SLC25A21: variants seen among roughly 807,000 people sequenced by gnomAD.
SLC25A21 encodes the protein mitochondrial 2-oxodicarboxylate carrier.
A neutral mutation model predicts 43.8 loss-of-function variants in SLC25A21; 47 were observed. That is an observed-to-expected ratio of 1.07 (90% CI 0.85 to 1.37). The LOEUF (loss-of-function observed/expected upper bound fraction) is 1.37. Ranked by LOEUF, SLC25A21 falls within the 40% of genes most tolerant of loss-of-function variation. The pLI, the probability that SLC25A21 is intolerant of heterozygous loss-of-function variation, is 0.00. For synonymous variants in SLC25A21, 131 were observed against 121.3 expected (o/e 1.08, Z -0.52); for missense variants, 352 against 350.2 (o/e 1.00, Z -0.04).
At chr14:37,143,485 A>G (rs1963604750) in intron 1 of SLC25A21, among the ~76,000 whole-genome samples, 1 of 152,234 alleles carries the variant, frequency 6.6e-6, no homozygotes, top group Admixed American at 6.5e-5. Flanking sequence ...ACTTTTGAAA[A>G]GCAGATTGTA....
intron 1 of SLC25A21, among the ~76,000 whole-genome samples, chr14:36,914,582 T>C (rs1891779179): frequency 6.6e-6 from 1 of 152,168 alleles, no homozygotes; most frequent in African/African-American, 2.4e-5. Flanking sequence ...TATTTTTTCT[T>C]TGCACTGGAA....
Position 36,910,191 on chromosome 14 carries a change from A to C in SLC25A21, c.71-35187T>G, listed in dbSNP as rs112546043. Among the ~76,000 whole-genome samples the C allele has an allele frequency of 9.0e-3, 1,367 of 152,294 alleles. 20 individuals are homozygous for C. The highest frequency in any genetic ancestry group is 0.031 in the African/African-American group (1,297 of 41,562). On this transcript the variant is annotated intron_variant, in intron 1 of 9. Coordinates refer to ENST00000331299, the MANE Select transcript of SLC25A21 (RefSeq NM_030631.4). ...AGTCTAAGTACAGAGATCATCATGG[A>C]TCACTCTTATTTCAGGAATTCAACA...
chr14:37,145,993 T>C (rs956349939), intron 1 of SLC25A21, among the ~76,000 whole-genome samples: 4 of 152,112 alleles, frequency 2.6e-5, no homozygotes, highest in Non-Finnish European at 5.9e-5. Context: ...TGTCTCAATT[T>C]GATGGCAGGC....
intron 1 of SLC25A21, among the ~76,000 whole-genome samples, chr14:37,089,086 C>T (rs1157423181): frequency 6.6e-6 from 1 of 152,050 alleles, no homozygotes; most frequent in Admixed American, 6.6e-5. Flanking sequence ...TTTAAAGATC[C>T]TGATTCAAAA....
chr14:37,085,869 G>A (rs1204943506), intron 1 of SLC25A21, among the ~76,000 whole-genome samples: 1 of 152,166 alleles, frequency 6.6e-6, no homozygotes, highest in East Asian at 1.9e-4. Context: ...ACTTTGGCAG[G>A]CCGAGGCAGG....
intron 1 of SLC25A21, among the ~76,000 whole-genome samples, chr14:36,895,366 T>G (rs1334933385): frequency 6.6e-6 from 1 of 152,242 alleles, no homozygotes; most frequent in Non-Finnish European, 1.5e-5. Context: ...AGTTTGTATT[T>G]CTGTGGGATC....
intron 5 of SLC25A21, among the ~76,000 whole-genome samples, chr14:36,728,944 T>A (rs1279970432): frequency 6.6e-6 from 1 of 152,192 alleles, no homozygotes; most frequent in African/African-American, 2.4e-5. Context: ...AGGAGGGGAA[T>A]GGCATAGGGA....
chr14:36,779,510 TAAG>T (rs910186183), intron 3 of SLC25A21, among the ~76,000 whole-genome samples: 20 of 144,226 alleles, frequency 1.4e-4, no homozygotes, highest in South Asian at 8.6e-4. Flanking sequence ...CCTATATATA[TAAG>T]AATAAACATA....
intron 1 of SLC25A21, among the ~76,000 whole-genome samples, chr14:37,039,891 T>C (rs1305932026): frequency 6.6e-6 from 1 of 152,006 alleles, no homozygotes; most frequent in African/African-American, 2.4e-5. Context: ...TTTTGGTGGA[T>C]GAGTTGAAAG....
At chr14:36,801,720 C>T (rs1270026164) in intron 3 of SLC25A21, among the ~76,000 whole-genome samples, 1 of 152,158 alleles carries the variant, frequency 6.6e-6, no homozygotes, top group Non-Finnish European at 1.5e-5. Flanking sequence ...CAAACTGCCT[C>T]TTATTTCACT....
At chr14:36,917,133 T>C (rs976103995) in intron 1 of SLC25A21, among the ~76,000 whole-genome samples, 2 of 152,170 alleles carry the variant, frequency 1.3e-5, no homozygotes, top group African/African-American at 4.8e-5. Flanking sequence ...TTCCAGTTTC[T>C]TTTTATTTTT....
chr14:36,875,032 A>C, intron 1 of SLC25A21, 28 bp from the exon 2 acceptor site: 1 of 1,561,368 alleles, frequency 6.4e-7, no homozygotes, highest in Non-Finnish European at 8.8e-7. Context: ...AAATCCAATA[A>C]ACACTTATGT....
chr14:36,792,887 A>G (rs973335575), intron 3 of SLC25A21, among the ~76,000 whole-genome samples: 7 of 152,058 alleles, frequency 4.6e-5, no homozygotes. Flanking sequence ...AGAAAAAATC[A>G]TTTTACAATG....
chr14:36,899,343 C>A (rs1891337994), intron 1 of SLC25A21, among the ~76,000 whole-genome samples: 1 of 152,228 alleles, frequency 6.6e-6, no homozygotes, highest in Non-Finnish European at 1.5e-5. Flanking sequence ...CAAAGCATAT[C>A]ATGATGTCTA....
At chr14:37,011,823 G>T (rs1960739581) in intron 1 of SLC25A21, among the ~76,000 whole-genome samples, 1 of 151,894 alleles carries the variant, frequency 6.6e-6, no homozygotes, top group Admixed American at 6.6e-5. Flanking sequence ...TTTTACATTG[G>T]CTAGAGCATT....
At chr14:37,043,865 G>C (rs1778295260) in intron 1 of SLC25A21, among the ~76,000 whole-genome samples, 1 of 151,678 alleles carries the variant, frequency 6.6e-6, no homozygotes, top group African/African-American at 2.4e-5. Flanking sequence ...CTCCCAAGTA[G>C]CTGGAACTAC....
At chr14:36,965,920 G>A (rs1959602116) in intron 1 of SLC25A21, among the ~76,000 whole-genome samples, 1 of 152,068 alleles carries the variant, frequency 6.6e-6, no homozygotes, top group African/African-American at 2.4e-5. Flanking sequence ...AATGCTTGAG[G>A]GGATGAATAT....
chr14:36,789,737 T>TTTATATATAATATATTTTATATA (rs1887380847), intron 3 of SLC25A21, among the ~76,000 whole-genome samples: 1 of 132,860 alleles, frequency 7.5e-6, no homozygotes, highest in Non-Finnish European at 1.6e-5. Context: ...ATTTTATATA[T>TTTATATATAATATATTTTATATA]TTATATATAA....
chr14:36,809,607 G>C (rs989328990), intron 3 of SLC25A21, among the ~76,000 whole-genome samples: 2 of 152,182 alleles, frequency 1.3e-5, no homozygotes, highest in East Asian at 3.9e-4. Context: ...TGAGCAGAGA[G>C]GTGAGGAATT....
Sources: allele counts gnomAD v4.1 joint callset (sites outside exome capture counted in the v4.1 genomes callset), GRCh38; gene constraint gnomAD v4.1.1; transcripts MANE v1.5; gene names NCBI Gene and HGNC (gene_info 2026-07-23, HGNC 2026-07-21).